Variants in UGGT2 observed in about 807,000 individuals in gnomAD.
UGGT2 encodes the protein UDP-glucose glycoprotein glucosyltransferase 2, also known as UDP-glucose:glycoprotein glucosyltransferase 2.
UGGT2 carries 180 observed loss-of-function variants against 192.1 expected under a neutral mutation model. That is an observed-to-expected ratio of 0.94 (90% CI 0.83 to 1.06). The LOEUF (loss-of-function observed/expected upper bound fraction) is 1.06, where lower values mean the gene tolerates loss of function less well. UGGT2 is among the 50% of genes least tolerant of loss of function. The probability of loss-of-function intolerance (pLI) is 0.00; values close to 1 mark genes in which losing one functional copy is unlikely to be tolerated. For missense variants in UGGT2, 1,849 were observed against 1,795.7 expected (o/e 1.03, Z -0.54); for synonymous variants, 580 against 591.0 (o/e 0.98, Z 0.27).
rs371139062 is a variant in UGGT2 at position 96,035,504 on chromosome 13, A to C, written c.159-3533T>G. On this transcript the variant is annotated intron_variant, in intron 1 of 38. Coordinates refer to ENST00000376747, the MANE Select transcript of UGGT2 (RefSeq NM_020121.4). ...TACAATTCAGGACATAGACACAAGC[A>C]ATGATTTCATGACAAAAATGCCAAG... Among the ~76,000 whole-genome samples the C allele has an allele frequency of 3.9e-5, 6 of 152,344 alleles. No individual in the cohort carries two copies. The East Asian group carries it at 7.7e-4, about 20-fold the overall frequency.
rs145413795 is a variant in UGGT2, at chr13:96,018,649, T to C, written c.485+4391A>G. Among the ~76,000 whole-genome samples, 1,022 of 151,544 alleles carry C rather than the reference T, an allele frequency of 6.7e-3. 6 individuals are homozygous for C. The highest frequency in any genetic ancestry group is 0.017 in the Middle Eastern group (5 of 292). ...CTACTTTCCAACATGTAAATAAAAC[T>C]ACTGTTAAGAAGAATTTTACGAAAT... On this transcript the variant is annotated intron_variant, in intron 4 of 38. Transcript: ENST00000376747.
intron 20 of UGGT2, among the ~76,000 whole-genome samples, chr13:95,919,421 C>G (rs2048778821): frequency 6.6e-6 from 1 of 152,128 alleles, no homozygotes; most frequent in Non-Finnish European, 1.5e-5. Flanking sequence ...AGAGAGAAGT[C>G]AAATTACATT....
Position 95,961,383 on chromosome 13 carries a change from T to C in UGGT2, c.1335+8729A>G, listed in dbSNP as rs146042320. 9.4e-4 allele frequency among the ~76,000 whole-genome samples: 143 copies of C among 152,082 alleles called. 1 individual carries two copies. The highest frequency in any genetic ancestry group is 3.3e-3 in the African/African-American group (136 of 41,506). ...CTCATCTCACTTGTAAAGAGATATA[T>C]AAACTGGAAGTAAAGGAATGGAAAA... On this transcript the variant is annotated intron_variant, in intron 12 of 38. Coordinates refer to ENST00000376747, the MANE Select transcript of UGGT2 (RefSeq NM_020121.4).
intron 1 of UGGT2, among the ~76,000 whole-genome samples, chr13:96,032,244 A>G (rs1029549038): frequency 6.6e-6 from 1 of 152,154 alleles, no homozygotes; most frequent in African/African-American, 2.4e-5. Context: ...ATTAGCAACA[A>G]CTAAAAAATT....
chr13:96,010,572 A>T (rs960894098), intron 5 of UGGT2, among the ~76,000 whole-genome samples: 8 of 152,206 alleles, frequency 5.3e-5, no homozygotes, highest in Admixed American at 3.3e-4. Flanking sequence ...AGGTTAAAAA[A>T]AAATAAATGG....
chr13:95,958,370 C>A (rs923268452), intron 12 of UGGT2, among the ~76,000 whole-genome samples: 1 of 152,110 alleles, frequency 6.6e-6, no homozygotes, highest in African/African-American at 2.4e-5. Flanking sequence ...CCTGGATGGT[C>A]TCCATCTCTC....
intron 1 of UGGT2, 26 bp downstream of exon 1, chr13:96,053,129 C>T: frequency 6.8e-7 from 1 of 1,464,468 alleles, no homozygotes; most frequent in Non-Finnish European, 9.0e-7. Context: ...CACACCCGCC[C>T]GGACGAGGGC....
chr13:95,958,590 A>T (rs2050285916), intron 12 of UGGT2, among the ~76,000 whole-genome samples: 1 of 151,726 alleles, frequency 6.6e-6, no homozygotes, highest in Non-Finnish European at 1.5e-5. Flanking sequence ...TTTCCCCTTA[A>T]GATCTTTTTT....
chr13:96,019,762 G>A (rs1473882721), intron 4 of UGGT2, among the ~76,000 whole-genome samples: 1 of 152,184 alleles, frequency 6.6e-6, no homozygotes, highest in Non-Finnish European at 1.5e-5. Context: ...CAGTATGAAT[G>A]TATTATATTT....
chr13:95,911,271 A>T (rs1184948637), intron 20 of UGGT2, among the ~76,000 whole-genome samples: 2 of 152,260 alleles, frequency 1.3e-5, no homozygotes, highest in East Asian at 3.9e-4. Flanking sequence ...GACATAAAAA[A>T]CCCTTCAAAA....
chr13:95,864,517 T>C (rs1890465557), intron 30 of UGGT2, among the ~76,000 whole-genome samples: 1 of 152,200 alleles, frequency 6.6e-6, no homozygotes, highest in African/African-American at 2.4e-5. Context: ...GTGCCACTCC[T>C]AGGAGACTCT....
At chr13:95,910,343 C>A (rs914638971) in intron 20 of UGGT2, among the ~76,000 whole-genome samples, 16 of 151,972 alleles carry the variant, frequency 1.1e-4, no homozygotes, top group African/African-American at 3.9e-4. Context: ...CTTCAGGAGA[C>A]CCATCTCATG....
rs1014574709 is a variant in UGGT2, at chr13:95,863,701, G to C, written c.3572C>G (p.Thr1191Arg). ...AAGGATATCTTCCTTAATTTTGTCT[G>C]TTTCTTTTTTCACCTAGATAGCATG... ...KILKVKVKKE[T>R]DKIKEDILTD... The change falls in exon 31 of 39, where the codon ACA (threonine) becomes AGA (arginine). Residue 1191 changes from threonine (T) to arginine (R), a missense_variant. By Grantham distance (71) the Thr-to-Arg change is moderately conservative. Coordinates refer to ENST00000376747, the MANE Select transcript of UGGT2 (RefSeq NM_020121.4). 1.2e-6 allele frequency: 2 copies of C among 1,612,004 alleles called. No homozygotes were observed. Among genetic ancestry groups the C allele is most frequent in the African/African-American group, 2.7e-5 (2 of 74,790 alleles).
chr13:96,052,593 A>C (rs1233044977), intron 1 of UGGT2, among the ~76,000 whole-genome samples: 1 of 152,206 alleles, frequency 6.6e-6, no homozygotes, highest in African/African-American at 2.4e-5. Context: ...GTAAAACTTC[A>C]TTTTTGCTAA....
At chr13:95,905,820 T>C (rs1566670274) in intron 20 of UGGT2, among the ~76,000 whole-genome samples, 1 of 152,178 alleles carries the variant, frequency 6.6e-6, no homozygotes, top group Non-Finnish European at 1.5e-5. Flanking sequence ...GTATACATTA[T>C]CTTTAAGAAG....
chr13:95,851,502 A>C (rs190168986), intron 36 of UGGT2, among the ~76,000 whole-genome samples: 1 of 152,304 alleles, frequency 6.6e-6, no homozygotes, highest in Non-Finnish European at 1.5e-5. Flanking sequence ...GTTCACCAAC[A>C]AAATTGTGGT....
intron 17 of UGGT2, among the ~76,000 whole-genome samples, chr13:95,931,501 G>C (rs532833135): frequency 6.6e-6 from 1 of 151,914 alleles, no homozygotes; most frequent in Non-Finnish European, 1.5e-5. Context: ...AGCACTCGTC[G>C]GGGAGGCTCG....
intron 8 of UGGT2, among the ~76,000 whole-genome samples, chr13:95,986,679 C>T (rs998963491): frequency 3.9e-5 from 6 of 151,910 alleles, no homozygotes; most frequent in Non-Finnish European, 7.4e-5. Context: ...AGTATAATTT[C>T]GAGAGAGATA....
intron 20 of UGGT2, among the ~76,000 whole-genome samples, 168 bp downstream of exon 20, chr13:95,925,512 T>C (rs1421004436): frequency 6.6e-6 from 1 of 152,186 alleles, no homozygotes; most frequent in African/African-American, 2.4e-5. Flanking sequence ...AGGTTTTTCT[T>C]TTCCTGAGCA....
Sources: allele counts gnomAD v4.1 joint callset (sites outside exome capture counted in the v4.1 genomes callset), GRCh38; gene constraint gnomAD v4.1.1; transcripts MANE v1.5; gene names NCBI Gene and HGNC (gene_info 2026-07-23, HGNC 2026-07-21).